SPATA13: variants seen among roughly 807,000 people sequenced by gnomAD.
SPATA13 encodes spermatogenesis-associated protein 13.
A neutral mutation model predicts 104.0 loss-of-function variants in SPATA13; 50 were observed. The ratio of observed to expected loss-of-function variants is 0.48; its 90% CI spans 0.38 to 0.61. The LOEUF (loss-of-function observed/expected upper bound fraction) is 0.61. SPATA13 is among the 20% of genes least tolerant of loss of function. The pLI, the probability that SPATA13 is intolerant of heterozygous loss-of-function variation, is 0.00. For synonymous variants in SPATA13, 606 were observed against 667.5 expected (o/e 0.91, Z 1.42); for missense variants, 1,524 against 1,690.6 (o/e 0.90, Z 1.73).
intron 1 of SPATA13, among the ~76,000 whole-genome samples, chr13:23,980,537 G>T (rs571755686): frequency 6.6e-6 from 1 of 152,312 alleles, no homozygotes; most frequent in African/African-American, 2.4e-5. Flanking sequence ...AAAATATTTG[G>T]ATTGTGGTGT....
At chr13:24,149,622 G>A (rs570610710) in intron 3 of SPATA13, among the ~76,000 whole-genome samples, 1 of 152,350 alleles carries the variant, frequency 6.6e-6, no homozygotes, top group East Asian at 1.9e-4. Flanking sequence ...TCACTGTGGT[G>A]TAGTGCAGCG....
intron 4 of SPATA13, among the ~76,000 whole-genome samples, chr13:24,275,058 G>T (rs1433014961): frequency 6.6e-6 from 1 of 151,666 alleles, no homozygotes; most frequent in African/African-American, 2.4e-5. Context: ...TTTTTTTCCT[G>T]ATGTCTTCTC....
intron 4 of SPATA13, among the ~76,000 whole-genome samples, chr13:24,272,135 G>A (rs762182028): frequency 6.6e-5 from 10 of 152,232 alleles, no homozygotes; most frequent in African/African-American, 1.2e-4. Context: ...GAGCAGGGGC[G>A]TGTTCATTCC....
At chr13:24,243,903 T>C (rs572006727) in intron 2 of SPATA13, among the ~76,000 whole-genome samples, 3 of 152,244 alleles carry the variant, frequency 2.0e-5, no homozygotes, top group Admixed American at 6.5e-5. Context: ...AATTTTCTTC[T>C]GAATTACCTT....
intron 1 of SPATA13, among the ~76,000 whole-genome samples, chr13:24,220,899 T>C (rs1298660320): frequency 6.6e-6 from 1 of 152,214 alleles, no homozygotes; most frequent in Non-Finnish European, 1.5e-5. Context: ...ATGTTTCTGT[T>C]TGCATGGGGT....
At chr13:24,123,648 T>C in intron 3 of SPATA13, 1 of 1,600,834 alleles carries the variant, frequency 6.2e-7, no homozygotes. Context: ...AATGAAATCT[T>C]CAAACACATC....
intron 3 of SPATA13, among the ~76,000 whole-genome samples, chr13:24,136,644 G>T (rs1056251566): frequency 6.6e-6 from 1 of 152,162 alleles, no homozygotes; most frequent in Non-Finnish European, 1.5e-5. Flanking sequence ...CAGCTTTGGG[G>T]CCACGATGTT....
chr13:24,141,362 C>G (rs556220750), intron 3 of SPATA13, among the ~76,000 whole-genome samples: 1 of 152,004 alleles, frequency 6.6e-6, no homozygotes, highest in African/African-American at 2.4e-5. Context: ...ATACTGAGTG[C>G]TCTGAGGAAT....
intron 1 of SPATA13, among the ~76,000 whole-genome samples, chr13:24,177,140 T>G (rs932373467): frequency 1.5e-4 from 23 of 152,250 alleles, no homozygotes; most frequent in Non-Finnish European, 2.9e-4. Flanking sequence ...TTGTCAATTC[T>G]GTTTCTTAAT....
At chr13:24,299,709 C>T (rs1480325809) in intron 11 of SPATA13, among the ~76,000 whole-genome samples, 1 of 152,168 alleles carries the variant, frequency 6.6e-6, no homozygotes, top group Non-Finnish European at 1.5e-5. Flanking sequence ...TACCTGCCTA[C>T]AGGAGGAAGG....
At chr13:24,216,134 G>C (rs1871248105) in intron 1 of SPATA13, among the ~76,000 whole-genome samples, 1 of 152,192 alleles carries the variant, frequency 6.6e-6, no homozygotes, top group African/African-American at 2.4e-5. Context: ...CTGTCACTGT[G>C]CAGAGGTTGG....
chr13:24,151,667 G>A (rs1486429236), intron 3 of SPATA13, among the ~76,000 whole-genome samples: 1 of 151,990 alleles, frequency 6.6e-6, no homozygotes, highest in Non-Finnish European at 1.5e-5. Flanking sequence ...TCAAACACCA[G>A]CTGTGGGTAC....
intron 2 of SPATA13, among the ~76,000 whole-genome samples, chr13:23,994,737 G>C (rs7992902): frequency 2.0e-5 from 3 of 151,982 alleles, no homozygotes; most frequent in African/African-American, 7.2e-5. Context: ...GAGGAATAAA[G>C]AGCACTCAGT....
Position 24,089,577 on chromosome 13 carries a change from G to A in SPATA13, c.-112+71876G>A, listed in dbSNP as rs113852955. ...ATCAGTTAGTGTTGTGGTAGAATTT[G>A]CATAGTATAAATGTACCTTTTAATG... is the stretch of plus-strand genomic sequence containing the variant. On this transcript the variant is annotated intron_variant, in intron 3 of 14. Coordinates refer to the SPATA13 transcript ENST00000424834. 3.1e-3 allele frequency among the ~76,000 whole-genome samples: 471 copies of A among 152,278 alleles called. 6 individuals carry two copies. The highest frequency in any genetic ancestry group is 0.01 in the African/African-American group (428 of 41,546).
chr13:24,075,027 T>G (rs1255018776), intron 3 of SPATA13, among the ~76,000 whole-genome samples: 1 of 152,206 alleles, frequency 6.6e-6, no homozygotes, highest in East Asian at 1.9e-4. Context: ...TTTTCCTCTG[T>G]ATGGAAAAAC....
chr13:24,023,754 G>A (rs73162150), intron 3 of SPATA13, among the ~76,000 whole-genome samples: 36,836 of 152,078 alleles, frequency 0.24, 4,772 homozygotes, highest in Admixed American at 0.29. Flanking sequence ...GAATGTGGGC[G>A]CCTCTCAAAG....
intron 9 of SPATA13, among the ~76,000 whole-genome samples, chr13:24,291,312 G>A (rs547360450): frequency 2.0e-5 from 3 of 152,194 alleles, no homozygotes; most frequent in Non-Finnish European, 4.4e-5. Flanking sequence ...TCGGCTCAGA[G>A]CAGGATTCTT....
intron 4 of SPATA13, among the ~76,000 whole-genome samples, chr13:24,258,624 G>A (rs569008298): frequency 1.3e-4 from 19 of 151,620 alleles, no homozygotes; most frequent in Non-Finnish European, 2.7e-4. Context: ...GGCCAAGATC[G>A]CACCACTGCA....
chr13:24,046,065 G>C (rs1177655793), intron 3 of SPATA13, among the ~76,000 whole-genome samples: 1 of 152,180 alleles, frequency 6.6e-6, no homozygotes, highest in Non-Finnish European at 1.5e-5. Context: ...AATAAATGCT[G>C]TGCAGAACCA....
Sources: allele counts gnomAD v4.1 joint callset (sites outside exome capture counted in the v4.1 genomes callset), GRCh38; gene constraint gnomAD v4.1.1; transcripts MANE v1.5; gene names NCBI Gene and HGNC (gene_info 2026-07-23, HGNC 2026-07-21).